Variants in NKAIN2 observed in about 807,000 individuals in gnomAD.
NKAIN2 encodes sodium/potassium-transporting ATPase subunit beta-1-interacting protein 2.
NKAIN2 carries 14 observed loss-of-function variants against 32.6 expected under a neutral mutation model. The ratio of observed to expected loss-of-function variants is 0.43; its 90% CI spans 0.28 to 0.67. The LOEUF is 0.67. Ranked by LOEUF, NKAIN2 falls within the 30% of genes least tolerant of loss-of-function variation. NKAIN2 has a pLI of 0.17. For synonymous variants in NKAIN2, 80 were observed against 87.2 expected (o/e 0.92, Z 0.46); for missense variants, 198 against 258.3 (o/e 0.77, Z 1.60).
At chr6:124,331,905 A>C (rs924949488) in intron 2 of NKAIN2, among the ~76,000 whole-genome samples, 2 of 152,176 alleles carry the variant, frequency 1.3e-5, no homozygotes, top group African/African-American at 4.8e-5. Context: ...ACTCAATTTT[A>C]CCCTTGAGTA....
At chr6:124,485,403 T>G (rs1232726175) in intron 3 of NKAIN2, among the ~76,000 whole-genome samples, 2 of 152,108 alleles carry the variant, frequency 1.3e-5, no homozygotes, top group African/African-American at 4.8e-5. Context: ...ACCTTCCTCC[T>G]CTTCCTTCCT....
chr6:123,955,923 G>A (rs896249267), intron 1 of NKAIN2, among the ~76,000 whole-genome samples: 27 of 152,048 alleles, frequency 1.8e-4, no homozygotes, highest in Non-Finnish European at 3.2e-4. Context: ...CTACCATGCC[G>A]AGCTACATTT....
intron 1 of NKAIN2, among the ~76,000 whole-genome samples, chr6:123,823,809 A>G (rs1384651634): frequency 2.0e-5 from 3 of 152,164 alleles, no homozygotes; most frequent in Non-Finnish European, 4.4e-5. Flanking sequence ...CACTGAAGAG[A>G]AATTCAAGGA....
At chr6:123,849,962 G>GTTTTTTTTTTTTTTTTTTTTTTTTTTTTT (rs1187495506) in intron 1 of NKAIN2, among the ~76,000 whole-genome samples, 1 of 22,338 alleles carries the variant, frequency 4.5e-5, no homozygotes, top group African/African-American at 5.1e-5. Flanking sequence ...TTTTTTTTTT[G>GTTTTTTTTTTTTTTTTTTTTTTTTTTTTT]TTTGTTTGTT....
chr6:124,705,180 A>G (rs1313253190), intron 4 of NKAIN2, among the ~76,000 whole-genome samples: 1 of 152,116 alleles, frequency 6.6e-6, no homozygotes, highest in Non-Finnish European at 1.5e-5. Flanking sequence ...TAGATAAATG[A>G]ATCTGGATGC....
chr6:124,491,573 G>A (rs1777864348), intron 3 of NKAIN2, among the ~76,000 whole-genome samples: 1 of 151,834 alleles, frequency 6.6e-6, no homozygotes, highest in African/African-American at 2.4e-5. Flanking sequence ...TTAAAAGTAT[G>A]TATGCCCTTT....
intron 1 of NKAIN2, among the ~76,000 whole-genome samples, chr6:124,277,443 G>GTGTGTGTATC (rs1401742824): frequency 6.6e-6 from 1 of 151,540 alleles, no homozygotes; most frequent in African/African-American, 2.4e-5. Flanking sequence ...GTGTGTGTGT[G>GTGTGTGTATC]TGTGTGTGTG....
intron 2 of NKAIN2, among the ~76,000 whole-genome samples, chr6:124,305,348 T>G (rs1039701885): frequency 6.6e-6 from 1 of 152,128 alleles, no homozygotes; most frequent in African/African-American, 2.4e-5. Flanking sequence ...TAGGCTGTGG[T>G]CTTGAGAATG....
chr6:124,576,047 T>A (rs915266203), intron 3 of NKAIN2, among the ~76,000 whole-genome samples: 1 of 152,168 alleles, frequency 6.6e-6, no homozygotes, highest in Non-Finnish European at 1.5e-5. Context: ...TGGATTCACA[T>A]GAAGGAAAAA....
intron 4 of NKAIN2, among the ~76,000 whole-genome samples, chr6:124,668,003 C>A (rs75904996): frequency 3.8e-3 from 572 of 152,210 alleles, no homozygotes; most frequent in Non-Finnish European, 5.7e-3. Flanking sequence ...TATTCTCTTG[C>A]CTTTTCCTCT....
At chr6:123,887,211 C>T (rs780060657) in intron 1 of NKAIN2, among the ~76,000 whole-genome samples, 1 of 151,930 alleles carries the variant, frequency 6.6e-6, no homozygotes, top group Non-Finnish European at 1.5e-5. Context: ...CAGTTCAGTA[C>T]TTTGCCTCTA....
chr6:124,474,722 T>C (rs1287132599), intron 3 of NKAIN2, among the ~76,000 whole-genome samples: 1 of 151,220 alleles, frequency 6.6e-6, no homozygotes, highest in Admixed American at 6.6e-5. Context: ...TTAGAAGCAA[T>C]AGAACTATTT....
intron 4 of NKAIN2, among the ~76,000 whole-genome samples, chr6:124,664,287 GAAAA>G (rs962079547): frequency 1.4e-5 from 2 of 139,152 alleles, no homozygotes; most frequent in South Asian, 4.6e-4. Context: ...AAAAAAGAAA[GAAAA>G]AAAAAAGAAA....
chr6:124,118,962 T>C (rs985706338), intron 1 of NKAIN2, among the ~76,000 whole-genome samples: 11 of 152,162 alleles, frequency 7.2e-5, no homozygotes, highest in Middle Eastern at 3.2e-3. Context: ...TCATGGACTG[T>C]CGTTTGCCAA....
chr6:124,791,344 A>G lies in NKAIN2; in HGVS notation c.480A>G (p.Ala160=). The change falls in exon 5 of 7, where the codon GCA becomes GCG. Residue 160 remains alanine, a synonymous_variant. Coordinates refer to ENST00000368417, the MANE Select transcript of NKAIN2 (RefSeq NM_001040214.3). ...HSSLQIVLAL[A]GFIYACYVVK... is the part of the protein sequence containing the mutation. ...GCATCTCTGTTTTGTTTCAGCTGGC[A>G]GGTTTCATCTACGCCTGTTATGTTG... 1 of 1,608,426 alleles carries G rather than the reference A, an allele frequency of 6.2e-7. No homozygotes were observed. Among genetic ancestry groups the G allele is most frequent in the African/African-American group, 1.3e-5 (1 of 74,912 alleles).
intron 2 of NKAIN2, among the ~76,000 whole-genome samples, chr6:124,319,705 T>A (rs1797095674): frequency 2.0e-5 from 3 of 152,140 alleles, no homozygotes; most frequent in Admixed American, 2.0e-4. Flanking sequence ...CATTTTAAAT[T>A]TCCTGCCCTT....
intron 3 of NKAIN2, among the ~76,000 whole-genome samples, chr6:124,602,839 A>G (rs972908283): frequency 6.6e-5 from 10 of 151,958 alleles, no homozygotes; most frequent in African/African-American, 2.4e-4. Context: ...GCATGAGAAC[A>G]AACCCCCTTG....
At chr6:123,824,701 T>G (rs148007909) in intron 1 of NKAIN2, among the ~76,000 whole-genome samples, 2,000 of 151,602 alleles carry the variant, frequency 0.013, 43 homozygotes, top group African/African-American at 0.046. Flanking sequence ...AACCTACATG[T>G]TCTACACATG....
At chr6:124,224,762 A>C (rs2114709222) in intron 1 of NKAIN2, among the ~76,000 whole-genome samples, 1 of 152,194 alleles carries the variant, frequency 6.6e-6, no homozygotes, top group Non-Finnish European at 1.5e-5. Flanking sequence ...GCATTAATAT[A>C]AGTGATATGT....
Sources: gnomAD v4.1 joint callset for allele counts (sites outside exome capture counted in the v4.1 genomes callset) on GRCh38, gnomAD v4.1.1 for gene constraint, MANE v1.5 for transcripts, NCBI Gene and HGNC (gene_info 2026-07-23, HGNC 2026-07-21) for gene names.